PRMT3: variants seen among roughly 807,000 people sequenced by gnomAD.
The protein encoded by PRMT3 is protein arginine methyltransferase 3, also known as protein arginine N-methyltransferase 3.
A neutral mutation model predicts 71.9 loss-of-function variants in PRMT3; 62 were observed. The observed-to-expected ratio is 0.86, with a 90% CI of 0.70 to 1.07. PRMT3 has a LOEUF of 1.07. PRMT3 is among the 50% of genes least tolerant of loss of function. PRMT3 has a pLI of 0.00. For missense variants in PRMT3, 663 were observed against 643.0 expected (o/e 1.03, Z -0.34); for synonymous variants, 213 against 220.4 (o/e 0.97, Z 0.30).
intron 13 of PRMT3, among the ~76,000 whole-genome samples, chr11:20,466,767 TAAAAC>T (rs1850522949): frequency 6.6e-6 from 1 of 151,954 alleles, no homozygotes; most frequent in Non-Finnish European, 1.5e-5. Context: ...CTTAAAAGAG[TAAAAC>T]AAAACAAGAA....
chr11:20,489,527 A>G (rs1479249335), intron 13 of PRMT3, among the ~76,000 whole-genome samples: 1 of 152,200 alleles, frequency 6.6e-6, no homozygotes, highest in Non-Finnish European at 1.5e-5. Context: ...GAGATAATGT[A>G]TATTCATTGA....
Position 20,508,608 on chromosome 11 carries a change from G to T in PRMT3, c.*195G>T. ...AGGAAGAGAATCAGCTGATCCTCAT[G>T]GTCTGCCACGTAATCATTTTCTTAG... On this transcript the variant is annotated 3_prime_UTR_variant, in exon 16 of 16. Coordinates refer to ENST00000331079, the MANE Select transcript of PRMT3 (RefSeq NM_005788.4). The T allele has an allele frequency of 1.5e-6, 1 of 681,802 alleles. No individual in the cohort carries two copies. Among genetic ancestry groups the T allele is most frequent in the Non-Finnish European group, 2.7e-6 (1 of 371,278 alleles). 42.2% of individuals were successfully genotyped at this position (681,802 alleles called of 1,614,324 possible). A position where few individuals can be genotyped will look rare whatever the true frequency, so the allele number is the denominator to read the frequency against.
intron 10 of PRMT3, among the ~76,000 whole-genome samples, chr11:20,430,894 T>C (rs548875214): frequency 6.6e-6 from 1 of 152,276 alleles, no homozygotes; most frequent in East Asian, 1.9e-4. Context: ...AATACCTATG[T>C]CTTTGTGTAT....
chr11:20,404,658 A>G (rs961557986), intron 8 of PRMT3, among the ~76,000 whole-genome samples: 4 of 152,138 alleles, frequency 2.6e-5, no homozygotes, highest in Non-Finnish European at 5.9e-5. Flanking sequence ...TTCTAGTTGG[A>G]TGATGCCCAG....
intron 8 of PRMT3, chr11:20,406,105 T>G (rs1029177623): frequency 6.6e-6 from 1 of 152,222 alleles, no homozygotes; most frequent in African/African-American, 2.4e-5. Context: ...TCCAGGACCC[T>G]CTGTGGATAC....
chr11:20,475,652 CTTTT>C (rs59969495), intron 13 of PRMT3, among the ~76,000 whole-genome samples: 9 of 100,526 alleles, frequency 9.0e-5, no homozygotes, highest in Admixed American at 9.8e-5. Flanking sequence ...TACTTAATGT[CTTTT>C]TTTTTTTTTT....
rs1850894905 is a variant in PRMT3, at chr11:20,480,119, C to T, written c.1348-13800C>T. The stretch of plus-strand genomic sequence containing the variant: ...TTGAAGCCAGAAGTTCGAGATCCAT[C>T]TGGTCATGGACATCAGAATAGTGGT... On this transcript the variant is annotated intron_variant, in intron 13 of 15. Transcript: ENST00000331079. 2.0e-5 allele frequency among the ~76,000 whole-genome samples: 3 copies of T among 152,148 alleles called. No individual in the cohort carries two copies. The South Asian group carries it at 6.2e-4, about 31-fold the overall frequency.
chr11:20,508,481 C>T lies in PRMT3; in HGVS notation c.*68C>T, dbSNP rs1450215643. ...GGTAGAGTGGGTCAGCAGGAGGGAG[C>T]TGGTTTTATGTGAGCAGATGGATGG... On this transcript the variant is annotated 3_prime_UTR_variant, in exon 16 of 16. Transcript: ENST00000331079. 1 of 1,135,008 alleles carries T rather than the reference C, an allele frequency of 8.8e-7. No individual in the cohort carries two copies. The highest frequency in any genetic ancestry group is 1.3e-6 in the Non-Finnish European group (1 of 744,956). The allele number at this position is 1,135,008 out of a possible 1,614,324, so 70.3% of individuals were successfully genotyped here. A position where few individuals can be genotyped will look rare whatever the true frequency, so the allele number is the denominator to read the frequency against.
At chr11:20,500,637 G>A (rs977697315) in intron 15 of PRMT3, among the ~76,000 whole-genome samples, 2 of 152,126 alleles carry the variant, frequency 1.3e-5, no homozygotes, top group African/African-American at 4.8e-5. Context: ...AATGGGGAAA[G>A]GGTGATCTTT....
At chr11:20,481,371 C>T (rs1850927829) in intron 13 of PRMT3, among the ~76,000 whole-genome samples, 2 of 151,886 alleles carry the variant, frequency 1.3e-5, no homozygotes, top group African/African-American at 4.8e-5. Flanking sequence ...GTGAGAAACA[C>T]ATCTGCTGTT....
chr11:20,412,292 T>TATGA (rs1434387353), intron 9 of PRMT3, among the ~76,000 whole-genome samples: 2 of 152,240 alleles, frequency 1.3e-5, no homozygotes, highest in Middle Eastern at 3.4e-3. Context: ...ACTAGAGTCA[T>TATGA]GGTCATCAGA....
intron 13 of PRMT3, among the ~76,000 whole-genome samples, chr11:20,474,498 C>G (rs2133422107): frequency 6.6e-6 from 1 of 152,330 alleles, no homozygotes; most frequent in African/African-American, 2.4e-5. Flanking sequence ...TGCAAAACTC[C>G]TGAGTCTCTG....
At chr11:20,392,700 A>C (rs563535741) in intron 4 of PRMT3, among the ~76,000 whole-genome samples, 197 bp from the exon 5 acceptor site, 6 of 152,112 alleles carry the variant, frequency 3.9e-5, no homozygotes, top group Middle Eastern at 3.4e-3. Flanking sequence ...ACAGTAAAAA[A>C]AACTCTGCGT....
At chr11:20,442,259 T>C (rs1005240685) in intron 10 of PRMT3, among the ~76,000 whole-genome samples, 2 of 152,190 alleles carry the variant, frequency 1.3e-5, no homozygotes, top group African/African-American at 4.8e-5. Flanking sequence ...ACCTATTCTG[T>C]TACCAACTTG....
At chr11:20,421,845 G>C (rs940633322) in intron 9 of PRMT3, among the ~76,000 whole-genome samples, 1 of 151,984 alleles carries the variant, frequency 6.6e-6, no homozygotes, top group Non-Finnish European at 1.5e-5. Context: ...GCCTCCTAAC[G>C]GTAAGATTAC....
At chr11:20,463,907 A>G (rs1198091251) in intron 12 of PRMT3, among the ~76,000 whole-genome samples, 1 of 152,152 alleles carries the variant, frequency 6.6e-6, no homozygotes, top group Non-Finnish European at 1.5e-5. Context: ...CGAAATCTCC[A>G]TAGTTTTGCT....
chr11:20,484,758 A>G lies in PRMT3; in HGVS notation c.1348-9161A>G, dbSNP rs114112426. Among the ~76,000 whole-genome samples, 546 of 152,336 alleles carry G rather than the reference A, an allele frequency of 3.6e-3. 4 individuals carry two copies. The highest frequency in any genetic ancestry group is 0.013 in the African/African-American group (527 of 41,568). On this transcript the variant is annotated intron_variant, in intron 13 of 15. Transcript: ENST00000331079. ...GGGGCCTTAGGTAGGAAAAAGCAAT[A>G]CAGTAAATAATCTTCCTCTTTGTAG...
intron 13 of PRMT3, among the ~76,000 whole-genome samples, chr11:20,472,333 G>T (rs1850666971): frequency 6.6e-6 from 1 of 151,452 alleles, no homozygotes; most frequent in Non-Finnish European, 1.5e-5. Context: ...ATTGGCTGTG[G>T]GTTTGTCATA....
intron 11 of PRMT3, among the ~76,000 whole-genome samples, chr11:20,457,283 C>T (rs1255451834): frequency 1.3e-5 from 2 of 152,122 alleles, no homozygotes; most frequent in Non-Finnish European, 2.9e-5. Flanking sequence ...CAACAAGTAC[C>T]GTTTACCTTA....
Sources: gnomAD v4.1 joint callset for allele counts (sites outside exome capture counted in the v4.1 genomes callset) on GRCh38, gnomAD v4.1.1 for gene constraint, MANE v1.5 for transcripts, NCBI Gene and HGNC (gene_info 2026-07-23, HGNC 2026-07-21) for gene names.